Variants in CSGALNACT1 observed in about 807,000 individuals in gnomAD.
The protein encoded by CSGALNACT1 is beta4GalNAcT-1.
CSGALNACT1 carries 52 observed loss-of-function variants against 51.0 expected under a neutral mutation model. The observed-to-expected ratio is 1.02, with a 90% confidence interval of 0.82 to 1.29. CSGALNACT1 has a LOEUF of 1.29. Ranked by LOEUF, CSGALNACT1 falls within the 50% of genes most tolerant of loss-of-function variation. The pLI is 0.00. For missense variants in CSGALNACT1, 935 were observed against 679.2 expected, an observed-to-expected ratio of 1.38 and a Z score of -4.19; for synonymous variants, 341 against 254.4, an observed-to-expected ratio of 1.34 and a Z score of -3.24.
intron 3 of CSGALNACT1, among the ~76,000 whole-genome samples, chr8:19,522,885 G>T (rs1381130155): frequency 6.6e-6 from 1 of 152,170 alleles, no homozygotes; most frequent in African/African-American, 2.4e-5. Flanking sequence ...CCAAAGTAAG[G>T]CTGCAAGATG....
chr8:19,648,885 T>C (rs1564345256), intron 1 of CSGALNACT1, among the ~76,000 whole-genome samples: 1 of 152,180 alleles, frequency 6.6e-6, no homozygotes. Flanking sequence ...TGAAACGGAA[T>C]ACAGTAGAGA....
chr8:19,680,803 A>C (rs1029067755), intron 1 of CSGALNACT1, among the ~76,000 whole-genome samples: 1 of 152,074 alleles, frequency 6.6e-6, no homozygotes, highest in South Asian at 2.1e-4. Flanking sequence ...GTTTTTATTT[A>C]TGTATATGTT....
intron 4 of CSGALNACT1, among the ~76,000 whole-genome samples, chr8:19,486,563 C>A (rs1196597686): frequency 6.6e-6 from 1 of 152,196 alleles, no homozygotes; most frequent in Non-Finnish European, 1.5e-5. Flanking sequence ...AGCTTGCACA[C>A]TAGCTGTTCC....
chr8:19,492,853 G>C (rs1028130517), intron 4 of CSGALNACT1, among the ~76,000 whole-genome samples: 3 of 152,126 alleles, frequency 2.0e-5, no homozygotes, highest in Admixed American at 6.5e-5. Flanking sequence ...AATATGAACA[G>C]ATTTTTCATA....
At chr8:19,453,895 G>C (rs892324865) in intron 5 of CSGALNACT1, among the ~76,000 whole-genome samples, 16 of 144,404 alleles carry the variant, frequency 1.1e-4, no homozygotes, top group Non-Finnish European at 2.1e-4. Context: ...CTGGGTGACA[G>C]AGTGATACTC....
chr8:19,644,635 G>A (rs530356257), intron 1 of CSGALNACT1, among the ~76,000 whole-genome samples: 81 of 150,370 alleles, frequency 5.4e-4, no homozygotes, highest in African/African-American at 1.8e-3. Context: ...GCTTGAACCC[G>A]GGAGGCAGAG....
chr8:19,646,100 G>A (rs1383803779), intron 1 of CSGALNACT1, among the ~76,000 whole-genome samples: 2 of 152,132 alleles, frequency 1.3e-5, no homozygotes, highest in Non-Finnish European at 2.9e-5. Flanking sequence ...AAGAGATGTT[G>A]AACACAAAGA....
chr8:19,678,036 G>C (rs947434341), intron 1 of CSGALNACT1, among the ~76,000 whole-genome samples: 8 of 152,026 alleles, frequency 5.3e-5, no homozygotes, highest in African/African-American at 1.9e-4. Context: ...GAGCCCAGGA[G>C]GTGGAAGCTG....
chr8:19,447,576 A>G (rs899527688), intron 5 of CSGALNACT1, among the ~76,000 whole-genome samples: 6 of 152,182 alleles, frequency 3.9e-5, no homozygotes, highest in Middle Eastern at 3.2e-3. Context: ...TGTACACAAT[A>G]GGATGTGTGG....
chr8:19,512,770 G>A (rs370127010), intron 3 of CSGALNACT1, among the ~76,000 whole-genome samples: 31 of 152,274 alleles, frequency 2.0e-4, no homozygotes, highest in African/African-American at 7.2e-4. Context: ...AGCCCTCCGA[G>A]ATTTTATTCT....
At chr8:19,632,466 G>C (rs2055402898) in intron 1 of CSGALNACT1, among the ~76,000 whole-genome samples, 1 of 152,238 alleles carries the variant, frequency 6.6e-6, no homozygotes, top group Non-Finnish European at 1.5e-5. Context: ...AAGCATTTAA[G>C]GGAAGCATCA....
chr8:19,510,043 C>A (rs1325942755), intron 3 of CSGALNACT1, among the ~76,000 whole-genome samples: 1 of 152,022 alleles, frequency 6.6e-6, no homozygotes, highest in African/African-American at 2.4e-5. Flanking sequence ...ATACATAATT[C>A]CCGTTTTTTG....
rs147040213 is a variant in CSGALNACT1 at position 19,480,911 on chromosome 8, A to G, written c.635-22269T>C. 5.1e-3 allele frequency among the ~76,000 whole-genome samples: 781 copies of G among 152,238 alleles called. 8 individuals carry two copies. Among genetic ancestry groups the G allele is most frequent in the African/African-American group, 0.017 (725 of 41,520 alleles). On this transcript the variant is annotated intron_variant, in intron 4 of 9. Coordinates refer to ENST00000454498, the Ensembl canonical transcript of CSGALNACT1. ...TTCCACCCGGCATCAACACCAGGCA[A>G]TATCGACTCATTCCCCTCTTGTGCC...
chr8:19,592,088 AAAAC>A (rs1337229384), intron 2 of CSGALNACT1, among the ~76,000 whole-genome samples: 1 of 152,222 alleles, frequency 6.6e-6, no homozygotes, highest in Non-Finnish European at 1.5e-5. Context: ...GTGTACTTCA[AAAAC>A]ATTTTCACAA....
intron 1 of CSGALNACT1, among the ~76,000 whole-genome samples, chr8:19,739,956 C>G (rs564488070): frequency 6.6e-6 from 1 of 152,328 alleles, no homozygotes; most frequent in African/African-American, 2.4e-5. Context: ...AGCAGATACT[C>G]AAACCAATGT....
At chr8:19,495,315 G>T (rs1030653811) in intron 4 of CSGALNACT1, 1 of 152,218 alleles carries the variant, frequency 6.6e-6, no homozygotes, top group African/African-American at 2.4e-5. Flanking sequence ...AATGGGTCCT[G>T]TTCCAATATT....
chr8:19,726,645 A>G (rs2063417550), intron 1 of CSGALNACT1, among the ~76,000 whole-genome samples: 1 of 152,210 alleles, frequency 6.6e-6, no homozygotes, highest in Non-Finnish European at 1.5e-5. Flanking sequence ...ATTATTAACT[A>G]TAGTCACCAT....
At chr8:19,555,380 C>T (rs550141116) in intron 3 of CSGALNACT1, among the ~76,000 whole-genome samples, 248 of 152,022 alleles carry the variant, frequency 1.6e-3, no homozygotes, top group Non-Finnish European at 9.9e-4. Context: ...GTGATGCAGG[C>T]GAAGGAGGTA....
chr8:19,590,282 C>CA (rs2047525021), intron 3 of CSGALNACT1, among the ~76,000 whole-genome samples: 1 of 152,138 alleles, frequency 6.6e-6, no homozygotes, highest in African/African-American at 2.4e-5. Flanking sequence ...AGGGAATTCA[C>CA]AGAGGCACTT....
Sources: allele counts gnomAD v4.1 joint callset (sites outside exome capture counted in the v4.1 genomes callset), GRCh38; gene constraint gnomAD v4.1.1; transcripts MANE v1.5; gene names NCBI Gene and HGNC (gene_info 2026-07-23, HGNC 2026-07-21).